VPS33B: variants seen among roughly 807,000 people sequenced by gnomAD.
VPS33B encodes vacuolar protein sorting-associated protein 33B.
In VPS33B, 80 loss-of-function variants were observed where a neutral mutation model predicts 95.3. That is an observed-to-expected ratio of 0.84 (90% CI 0.70 to 1.01). The LOEUF (loss-of-function observed/expected upper bound fraction) is 1.01. Among genes scored for constraint, VPS33B ranks in the 50% least tolerant of loss-of-function variants. The pLI, the probability that VPS33B is intolerant of heterozygous loss-of-function variation, is 0.00. For synonymous variants in VPS33B, 280 were observed against 280.4 expected, an observed-to-expected ratio of 1.00 and a Z score of 0.01; for missense variants, 715 against 773.4, an observed-to-expected ratio of 0.92 and a Z score of 0.90.
In VPS33B at chr15:91,022,482, A is replaced by C; in HGVS notation, c.-233T>G. ...TCAGACCTGCAGCCACCGTGTCTCG[A>C]CCCTCCCTCCCTGATCCACTCTGCC... On this transcript the variant is annotated 5_prime_UTR_variant, in exon 1 of 23. Coordinates refer to ENST00000333371, the MANE Select transcript of VPS33B (RefSeq NM_018668.5). 3 of 445,114 alleles carry C rather than the reference A, an allele frequency of 6.7e-6. No homozygotes were observed. The highest frequency in any genetic ancestry group is 3.8e-5 in the South Asian group (1 of 26,036). The allele number at this position is 445,114 out of a possible 1,614,324, so 27.6% of individuals were successfully genotyped here. A position where few individuals can be genotyped will look rare whatever the true frequency, so the allele number is the denominator to read the frequency against.
Position 91,007,380 on chromosome 15 carries a change from A to AT in VPS33B, c.603+88dup. ...GAAAGCAAAGTAAAGAATACACCTC[A>AT]TATCACAGGTGCCCTTGGATAACCC... is the stretch of plus-strand genomic sequence containing the variant. On this transcript the variant is annotated intron_variant, in intron 8 of 22. Transcript: ENST00000333371. This position sits in a 1 kb window ranked among gnomAD's most constrained non-coding sequence, Gnocchi z 5.3. The AT allele has an allele frequency of 8.2e-7, 1 of 1,222,616 alleles. No individual in the cohort carries two copies. Among genetic ancestry groups the AT allele is most frequent in the South Asian group, 1.2e-5 (1 of 83,034 alleles). The allele number at this position is 1,222,616 out of a possible 1,614,324, so 75.7% of individuals were successfully genotyped here.
In VPS33B at chr15:91,007,567, C is replaced by A. The variant is rs769960396; in HGVS notation, c.505G>T (p.Asp169Tyr). The change falls in exon 8 of 23, where the codon GAT becomes TAT. Residue 169 changes from aspartate (D) to tyrosine (Y), a missense_variant. Physicochemically the swap from Asp to Tyr is radical, Grantham distance 160 (BLOSUM62 -3). Coordinates refer to ENST00000333371, the MANE Select transcript of VPS33B (RefSeq NM_018668.5). The surrounding 1 kb of genome is among the most constrained non-coding windows in gnomAD (Gnocchi z 5.3). ...GCTACAGTGTTGATCCAACGCTGAT[C>A]TCCTTCCTGCAGGGACCACACAAGC... is the stretch of plus-strand genomic sequence containing the variant. ...EFFRDYFLEG[D>Y]QRWINTVAQA... The A allele has an allele frequency of 3.1e-6, 5 of 1,614,038 alleles. No individual in the cohort carries two copies. In the East Asian group the frequency reaches 8.9e-5, roughly 29 times the overall value.
chr15:90,999,486 T>A lies in VPS33B; in HGVS notation c.1774+191A>T. On this transcript the variant is annotated intron_variant, in intron 22 of 22. Transcript: ENST00000333371. This position sits in a 1 kb window ranked among gnomAD's most constrained non-coding sequence, Gnocchi z 5.1. Reference sequence around the variant, plus strand: ...GGCACCGGCCACCATGCCTGGCTAATTTTTGTATTTTTCGTAGAGATGGGG... The same window carrying A: ...GGCACCGGCCACCATGCCTGGCTAAATTTTGTATTTTTCGTAGAGATGGGG... The A allele has an allele frequency of 1.5e-6, 1 of 685,072 alleles. No individual in the cohort carries two copies. The highest frequency in any genetic ancestry group is 1.9e-5 in the Admixed American group (1 of 52,016). The allele number at this position is 685,072 out of a possible 1,614,324, so 42.4% of individuals were successfully genotyped here. A position where few individuals can be genotyped will look rare whatever the true frequency, so the allele number is the denominator to read the frequency against.
Position 91,007,174 on chromosome 15 carries a change from A to G in VPS33B, c.604-128T>C, listed in dbSNP as rs1403466476. 2 of 1,004,552 alleles carry G rather than the reference A, an allele frequency of 2.0e-6. No individual in the cohort carries two copies. The highest frequency in any genetic ancestry group is 3.1e-6 in the Non-Finnish European group (2 of 646,884). The allele number at this position is 1,004,552 out of a possible 1,614,324, so 62.2% of individuals were successfully genotyped here. On this transcript the variant is annotated intron_variant, in intron 8 of 22. Coordinates refer to ENST00000333371, the MANE Select transcript of VPS33B (RefSeq NM_018668.5). This position sits in a 1 kb window ranked among gnomAD's most constrained non-coding sequence, Gnocchi z 5.3. ...GAGACAGGAGCTAATTATTCACAAT[A>G]TGGCCCTATCTACTCCCGTCTGTGT...
intron 2 of VPS33B, 80 bp downstream of exon 2, chr15:91,017,725 A>G (rs2040983469): frequency 7.6e-7 from 1 of 1,323,206 alleles, no homozygotes; most frequent in African/African-American, 1.4e-5. Flanking sequence ...AAGAGTAGTC[A>G]CTCTTCAGTA....
Position 91,018,576 on chromosome 15 carries a change from G to C in VPS33B, c.97-691C>G, listed in dbSNP as rs1401508853. 6.6e-5 allele frequency among the ~76,000 whole-genome samples: 10 copies of C among 152,204 alleles called. No homozygotes were observed. Reference sequence around the variant, plus strand: ...AGCAAAGATCAGAAAGAGAGCATAGGCTGTGTAGTAAGGGGACGATTTTGC... The same window carrying C: ...AGCAAAGATCAGAAAGAGAGCATAGCCTGTGTAGTAAGGGGACGATTTTGC... On this transcript the variant is annotated intron_variant, in intron 1 of 22. Transcript: ENST00000333371. The surrounding 1 kb of genome is among the most constrained non-coding windows in gnomAD (Gnocchi z 4.7).
Position 91,009,935 on chromosome 15 carries a change from C to T in VPS33B, c.358-89G>A. ...GTTCCTCTGTGGTCACTGATGAGGA[C>T]AATAATTGCCGAACCCAGTGAAAGA... On this transcript the variant is annotated intron_variant, in intron 5 of 22. Transcript: ENST00000333371. This position sits in a 1 kb window ranked among gnomAD's most constrained non-coding sequence, Gnocchi z 4.1. 2.7e-6 allele frequency: 4 copies of T among 1,469,010 alleles called. No individual in the cohort carries two copies. In the South Asian group the frequency reaches 3.5e-5, roughly 13 times the overall value. 91.0% of individuals were successfully genotyped at this position (1,469,010 alleles called of 1,614,324 possible).
Position 91,002,634 on chromosome 15 carries a change from T to TAAAAAAA in VPS33B, c.1272+444_1272+450dup, listed in dbSNP as rs74516510. On this transcript the variant is annotated intron_variant, in intron 17 of 22. Transcript: ENST00000333371. The surrounding 1 kb of genome is among the most constrained non-coding windows in gnomAD (Gnocchi z 4.7). ...AACAGAGCGAGACATCGTCTCGAAA[T>TAAAAAAA]AAAAAAAAAAAAAAAAAGAAAAGAA... Among the ~76,000 whole-genome samples, 1 of 88,704 alleles carries TAAAAAAA rather than the reference T, an allele frequency of 1.1e-5. No individual in the cohort carries two copies. The highest frequency in any genetic ancestry group is 3.8e-5 in the African/African-American group (1 of 26,592). The allele number at this position is 88,704 out of a possible 152,430, so 58.2% of individuals were successfully genotyped here. A position where few individuals can be genotyped will look rare whatever the true frequency, so the allele number is the denominator to read the frequency against.
rs556343562 is a variant in VPS33B at position 90,999,444 on chromosome 15, G to A, written c.1774+233C>T. ...AGCAATTCTCCTGCCTCAGCCTCCC[G>A]AGTAGTTAGCATTACAGGCACCGGC... On this transcript the variant is annotated intron_variant, in intron 22 of 22. Coordinates refer to ENST00000333371, the MANE Select transcript of VPS33B (RefSeq NM_018668.5). The surrounding 1 kb of genome is among the most constrained non-coding windows in gnomAD (Gnocchi z 5.1). 2.5e-4 allele frequency: 137 copies of A among 558,192 alleles called. No individual in the cohort carries two copies. The highest frequency in any genetic ancestry group is 8.4e-4 in the Admixed American group (32 of 38,288). The allele number at this position is 558,192 out of a possible 1,614,324, so 34.6% of individuals were successfully genotyped here.
Position 91,009,263 on chromosome 15 carries a change from CTCTCTT to C in VPS33B, c.403+532_403+537del, listed in dbSNP as rs2040705813. Among the ~76,000 whole-genome samples, 2 of 149,754 alleles carry C rather than the reference CTCTCTT, an allele frequency of 1.3e-5. No individual in the cohort carries two copies. On this transcript the variant is annotated intron_variant, in intron 6 of 22. Coordinates refer to ENST00000333371, the MANE Select transcript of VPS33B (RefSeq NM_018668.5). This position sits in a 1 kb window ranked among gnomAD's most constrained non-coding sequence, Gnocchi z 4.1. ...TCCTTTCTTTTCCCTCCCTCCCTCT[CTCTCTT>C]TCTCTCTTTTCTTTTATTTTCTTTC...
chr15:91,006,337 C>G lies in VPS33B; in HGVS notation c.852+35G>C. On this transcript the variant is annotated intron_variant, in intron 11 of 22. Transcript: ENST00000333371. The surrounding 1 kb of genome is among the most constrained non-coding windows in gnomAD (Gnocchi z 5.4). ...CCACAGCCTGGTATAAGCAGTGGCC[C>G]TAGGTGGGCCCATTGCTAGCACCCA... 3 of 1,613,082 alleles carry G rather than the reference C, an allele frequency of 1.9e-6. No homozygotes were observed. Among genetic ancestry groups the G allele is most frequent in the Non-Finnish European group, 2.5e-6 (3 of 1,179,492 alleles).
chr15:91,006,819 G>T lies in VPS33B; in HGVS notation c.701-90C>A. On this transcript the variant is annotated intron_variant, in intron 9 of 22. Coordinates refer to ENST00000333371, the MANE Select transcript of VPS33B (RefSeq NM_018668.5). This position sits in a 1 kb window ranked among gnomAD's most constrained non-coding sequence, Gnocchi z 5.4. ...GGGCAGCTTTGATACTTTCCATAGG[G>T]CCAAGGACCCACGCTCCTCAAAGCT... 6.3e-7 allele frequency: 1 copy of T among 1,586,854 alleles called. No homozygotes were observed. Among genetic ancestry groups the T allele is most frequent in the Non-Finnish European group, 8.7e-7 (1 of 1,155,766 alleles).
In VPS33B at chr15:91,006,728, A is replaced by G. The variant is rs1483076365; in HGVS notation, c.702T>C (p.Asp234=). ...AGCAAAGTGCTGTCACAAAGTCCAC[A>G]TCTGAAACAGAGATCCCTGACCATG... ...EIGHIFLLDR[D]VDFVTALCSQ... is the part of the protein sequence containing the mutation. Residue 234 remains aspartate, a splice_region_variant and synonymous_variant, in exon 10 of 23, where the codon GAT becomes GAC. Coordinates refer to ENST00000333371, the MANE Select transcript of VPS33B (RefSeq NM_018668.5). The surrounding 1 kb of genome is among the most constrained non-coding windows in gnomAD (Gnocchi z 5.4). The G allele has an allele frequency of 3.7e-6, 6 of 1,614,074 alleles. No individual in the cohort carries two copies. In the African/African-American group the frequency reaches 4.0e-5, roughly 11 times the overall value.
In VPS33B at chr15:91,013,694, A is replaced by G; in HGVS notation, c.357+110T>C. 1 of 1,105,044 alleles carries G rather than the reference A, an allele frequency of 9.0e-7. No individual in the cohort carries two copies. Among genetic ancestry groups the G allele is most frequent in the East Asian group, 2.4e-5 (1 of 42,290 alleles). 68.5% of individuals were successfully genotyped at this position (1,105,044 alleles called of 1,614,324 possible). ...TACCTAGTCTCAGGTATTCTGTTAC[A>G]GCAACAGAAAACGAACGGAGACAGG... is the stretch of plus-strand genomic sequence containing the variant. On this transcript the variant is annotated intron_variant, in intron 5 of 22. Coordinates refer to ENST00000333371, the MANE Select transcript of VPS33B (RefSeq NM_018668.5). The surrounding 1 kb of genome is among the most constrained non-coding windows in gnomAD (Gnocchi z 4.5).
In VPS33B at chr15:91,013,497, G is replaced by A. The variant is rs2040836956; in HGVS notation, c.357+307C>T. Among the ~76,000 whole-genome samples, 4 of 152,192 alleles carry A rather than the reference G, an allele frequency of 2.6e-5. No individual in the cohort carries two copies. Among genetic ancestry groups the A allele is most frequent in the Admixed American group, 6.5e-5 (1 of 15,280 alleles). The stretch of plus-strand genomic sequence containing the variant: ...ATGGATTAATGTCCTTATGGCAGGA[G>A]TGGGTTGCTATAAGGCGAGTCCAGC... On this transcript the variant is annotated intron_variant, in intron 5 of 22. Coordinates refer to ENST00000333371, the MANE Select transcript of VPS33B (RefSeq NM_018668.5). This position sits in a 1 kb window ranked among gnomAD's most constrained non-coding sequence, Gnocchi z 4.5.
In VPS33B at chr15:91,000,265, C is replaced by G. The variant is rs923968852; in HGVS notation, c.1581+225G>C. ...TACAAAAATTAGCTGGGTGCAGTGGCACATGCCTGTAGTCCCAGCTACTTC... is the reference window on the plus strand; with the variant it reads ...TACAAAAATTAGCTGGGTGCAGTGGGACATGCCTGTAGTCCCAGCTACTTC... On this transcript the variant is annotated intron_variant, in intron 20 of 22. Transcript: ENST00000333371. This position sits in a 1 kb window ranked among gnomAD's most constrained non-coding sequence, Gnocchi z 4.9. Among the ~76,000 whole-genome samples, 3 of 152,130 alleles carry G rather than the reference C, an allele frequency of 2.0e-5. No individual in the cohort carries two copies.
In VPS33B at chr15:91,009,650, C is replaced by T. The variant is rs1000257365; in HGVS notation, c.403+151G>A. 21 of 840,138 alleles carry T rather than the reference C, an allele frequency of 2.5e-5. No individual in the cohort carries two copies. In the African/African-American group the frequency reaches 3.5e-4, roughly 14 times the overall value. 52.0% of individuals were successfully genotyped at this position (840,138 alleles called of 1,614,324 possible). On this transcript the variant is annotated intron_variant, in intron 6 of 22. Coordinates refer to ENST00000333371, the MANE Select transcript of VPS33B (RefSeq NM_018668.5). The surrounding 1 kb of genome is among the most constrained non-coding windows in gnomAD (Gnocchi z 4.1). ...GTGGTCCTATTCCCATTCCCATTCT[C>T]AGGAACCTCTCCTCCTGCTACACTA...
chr15:91,006,196 C>A lies in VPS33B; in HGVS notation c.853-137G>T. 7.6e-7 allele frequency: 1 copy of A among 1,322,158 alleles called. No individual in the cohort carries two copies. The highest frequency in any genetic ancestry group is 1.1e-6 in the Non-Finnish European group (1 of 927,994). 81.9% of individuals were successfully genotyped at this position (1,322,158 alleles called of 1,614,324 possible). ...TGAGCTGGGATCTGTAAGTCCATAT[C>A]AAATGCCTACACCGTGTTCTAGGAG... On this transcript the variant is annotated intron_variant, in intron 11 of 22. Coordinates refer to ENST00000333371, the MANE Select transcript of VPS33B (RefSeq NM_018668.5). The surrounding 1 kb of genome is among the most constrained non-coding windows in gnomAD (Gnocchi z 5.4).
chr15:90,999,318 G>GTTTTTTTTTTTTTTTTTTTTTT lies in VPS33B; in HGVS notation c.1775-265_1775-264insAAAAAAAAAAAAAAAAAAAAAA. On this transcript the variant is annotated intron_variant, in intron 22 of 22. Transcript: ENST00000333371. The surrounding 1 kb of genome is among the most constrained non-coding windows in gnomAD (Gnocchi z 5.1). ...TATTCCTGTGCAGGACACTTTGCGT[G>GTTTTTTTTTTTTTTTTTTTTTT]TTTTTTTTTTTTCTCTTGAGATGGA... 2.1e-6 allele frequency: 1 copy of GTTTTTTTTTTTTTTTTTTTTTT among 480,838 alleles called. No individual in the cohort carries two copies. Among genetic ancestry groups the GTTTTTTTTTTTTTTTTTTTTTT allele is most frequent in the Non-Finnish European group, 3.8e-6 (1 of 266,356 alleles). The allele number at this position is 480,838 out of a possible 1,614,324, so 29.8% of individuals were successfully genotyped here. A position where few individuals can be genotyped will look rare whatever the true frequency, so the allele number is the denominator to read the frequency against.
Sources: gnomAD v4.1 joint callset for allele counts (sites outside exome capture counted in the v4.1 genomes callset) on GRCh38, gnomAD v4.1.1 for gene constraint, Gnocchi (gnomAD v3.1) non-coding constraint, MANE v1.5 for transcripts, NCBI Gene and HGNC (gene_info 2026-07-23, HGNC 2026-07-21) for gene names.